ATP8A1: variants seen among roughly 807,000 people sequenced by gnomAD.
ATP8A1 encodes phospholipid-transporting ATPase IA.
In ATP8A1, 90 loss-of-function variants were observed where a neutral mutation model predicts 177.7. The ratio of observed to expected loss-of-function variants is 0.51; its 90% CI spans 0.43 to 0.60. ATP8A1 has a LOEUF of 0.60. Among genes scored for constraint, ATP8A1 ranks in the 20% least tolerant of loss-of-function variants. The pLI, the probability that ATP8A1 is intolerant of heterozygous loss-of-function variation, is 0.00. For synonymous variants in ATP8A1, 493 were observed against 485.9 expected, an observed-to-expected ratio of 1.01 and a Z score of -0.19; for missense variants, 1,072 against 1,392.8, an observed-to-expected ratio of 0.77 and a Z score of 3.67.
At chr4:42,496,839 C>T (rs1226238600) in intron 24 of ATP8A1, among the ~76,000 whole-genome samples, 1 of 151,954 alleles carries the variant, frequency 6.6e-6, no homozygotes, top group Non-Finnish European at 1.5e-5. Flanking sequence ...TATATATACA[C>T]ACACACACAG....
At chr4:42,648,617 A>C (rs891813320) in intron 1 of ATP8A1, among the ~76,000 whole-genome samples, 1 of 152,170 alleles carries the variant, frequency 6.6e-6, no homozygotes, top group Non-Finnish European at 1.5e-5. Context: ...TTGAAAAATT[A>C]TCTTGAAAAA....
At chr4:42,567,771 G>GCTTTCATAACTTT in intron 15 of ATP8A1, among the ~76,000 whole-genome samples, 1 of 152,234 alleles carries the variant, frequency 6.6e-6, no homozygotes, top group Non-Finnish European at 1.5e-5. Flanking sequence ...GCTCTTTCCA[G>GCTTTCATAACTTT]CACCAATAAA....
chr4:42,577,459 G>A (rs941915060), intron 12 of ATP8A1, among the ~76,000 whole-genome samples: 6 of 152,056 alleles, frequency 3.9e-5, no homozygotes, highest in African/African-American at 1.2e-4. Context: ...CATATTTTTC[G>A]AAACCCTAAT....
chr4:42,413,095 A>G (rs1712810866), intron 36 of ATP8A1, 82 bp from the exon 37 acceptor site: 1 of 1,127,166 alleles, frequency 8.9e-7, no homozygotes. Flanking sequence ...TTCATTTTCT[A>G]GCCTGGGGAA....
intron 4 of ATP8A1, among the ~76,000 whole-genome samples, chr4:42,618,544 A>C (rs1222235980): frequency 2.0e-5 from 3 of 152,130 alleles, no homozygotes; most frequent in Admixed American, 1.3e-4. Flanking sequence ...CCATTTACCC[A>C]AACCAGGAAA....
chr4:42,508,211 T>C (rs895587135), intron 22 of ATP8A1, among the ~76,000 whole-genome samples: 39 of 152,280 alleles, frequency 2.6e-4, no homozygotes, highest in African/African-American at 9.4e-4. Flanking sequence ...TGGCTCACCA[T>C]AACCTCCGCC....
Position 42,558,779 on chromosome 4 carries a change from A to T in ATP8A1, c.1341-2739T>A, listed in dbSNP as rs557163897. ...TAAAGATATGTGAAACATTTTTTTA[A>T]AAAAAACTTAGGAATGGAAAAAGCT... On this transcript the variant is annotated intron_variant, in intron 15 of 36. Transcript: ENST00000381668. Among the ~76,000 whole-genome samples the T allele has an allele frequency of 6.6e-4, 101 of 152,286 alleles. 1 individual carries two copies. The highest frequency in any genetic ancestry group is 2.3e-3 in the African/African-American group (97 of 41,574).
chr4:42,606,814 T>C lies in ATP8A1; in HGVS notation c.410-6296A>G, dbSNP rs549087732. Among the ~76,000 whole-genome samples, 49 of 152,328 alleles carry C rather than the reference T, an allele frequency of 3.2e-4. 1 individual carries two copies. The South Asian group carries it at 9.7e-3, about 30-fold the overall frequency. ...GTAAGAGAGAATGCCCCAGAGAACA[T>C]TGCTGACTCCGGGGCATTTGAGTTT... On this transcript the variant is annotated intron_variant, in intron 5 of 36. Coordinates refer to ENST00000381668, the MANE Select transcript of ATP8A1 (RefSeq NM_006095.2).
chr4:42,537,573 G>A (rs1306861464), intron 20 of ATP8A1, among the ~76,000 whole-genome samples: 1 of 152,120 alleles, frequency 6.6e-6, no homozygotes, highest in Non-Finnish European at 1.5e-5. Flanking sequence ...CAAAGTTTCA[G>A]GATACAAAAT....
intron 15 of ATP8A1, among the ~76,000 whole-genome samples, chr4:42,559,791 C>T (rs539892417): frequency 1.2e-4 from 18 of 152,174 alleles, no homozygotes; most frequent in African/African-American, 4.3e-4. Context: ...CTGCAACCTC[C>T]ACCTCCTGGG....
intron 5 of ATP8A1, among the ~76,000 whole-genome samples, chr4:42,611,476 C>T (rs1205330244): frequency 6.6e-6 from 1 of 152,186 alleles, no homozygotes; most frequent in Non-Finnish European, 1.5e-5. Context: ...CTCTATCTCC[C>T]ACACATTCTC....
rs1019800296 is a variant in ATP8A1, at chr4:42,656,950, T to A, written c.-77A>T. 1 of 1,372,592 alleles carries A rather than the reference T, an allele frequency of 7.3e-7. No homozygotes were observed. The highest frequency in any genetic ancestry group is 1.5e-5 in the African/African-American group (1 of 67,082). 85.0% of individuals were successfully genotyped at this position (1,372,592 alleles called of 1,614,324 possible). A position where few individuals can be genotyped will look rare whatever the true frequency, so the allele number is the denominator to read the frequency against. ...GCGTGGTACACGCGGGAGACCCGGC[T>A]GCGCCGCGCAGAGCGCTCAGCTGCA... is the stretch of plus-strand genomic sequence containing the variant. On this transcript the variant is annotated 5_prime_UTR_variant, in exon 1 of 37. Transcript: ENST00000381668.
intron 1 of ATP8A1, among the ~76,000 whole-genome samples, chr4:42,631,200 A>T (rs568950160): frequency 6.6e-6 from 1 of 152,304 alleles, no homozygotes; most frequent in African/African-American, 2.4e-5. Context: ...GTTACATGGT[A>T]AGTTACCTAT....
intron 5 of ATP8A1, among the ~76,000 whole-genome samples, chr4:42,602,848 C>T (rs1346472161): frequency 6.6e-6 from 1 of 151,534 alleles, no homozygotes; most frequent in Non-Finnish European, 1.5e-5. Flanking sequence ...AACCCAGTGG[C>T]TACAATATAA....
chr4:42,497,251 A>C lies in ATP8A1; in HGVS notation c.2151+6199T>G, dbSNP rs1723373925. On this transcript the variant is annotated intron_variant, in intron 24 of 36. Coordinates refer to ENST00000381668, the MANE Select transcript of ATP8A1 (RefSeq NM_006095.2). The stretch of plus-strand genomic sequence containing the variant: ...AAGTCTCTATCTGGAACTGAGACAA[A>C]CACCACCAGCTCTAAAGGAGCACAG... 2.6e-5 allele frequency among the ~76,000 whole-genome samples: 4 copies of C among 152,200 alleles called. No individual in the cohort carries two copies. The South Asian group carries it at 8.3e-4, about 31-fold the overall frequency.
intron 3 of ATP8A1, 125 bp downstream of exon 3, chr4:42,625,489 G>A (rs1737965362): frequency 3.7e-6 from 2 of 545,392 alleles, no homozygotes; most frequent in African/African-American, 2.0e-5. Flanking sequence ...CTTGCAGCAG[G>A]AGCCAGAAAT....
chr4:42,609,702 T>C (rs999872040), intron 5 of ATP8A1, among the ~76,000 whole-genome samples: 6 of 152,156 alleles, frequency 3.9e-5, no homozygotes, highest in African/African-American at 1.2e-4. Context: ...GTTGAATCTA[T>C]CCACTGTGTG....
intron 33 of ATP8A1, among the ~76,000 whole-genome samples, chr4:42,433,929 G>A (rs911002961): frequency 6.6e-6 from 1 of 151,000 alleles, no homozygotes; most frequent in African/African-American, 2.4e-5. Flanking sequence ...GGATAAACTA[G>A]AAGTTAATTT....
chr4:42,628,470 T>A (rs1273629032), intron 1 of ATP8A1, among the ~76,000 whole-genome samples: 1 of 152,066 alleles, frequency 6.6e-6, no homozygotes, highest in African/African-American at 2.4e-5. Flanking sequence ...CAGAGGACCC[T>A]GCGCTCTGCT....
Sources: allele counts gnomAD v4.1 joint callset (sites outside exome capture counted in the v4.1 genomes callset), GRCh38; gene constraint gnomAD v4.1.1; transcripts MANE v1.5; gene names NCBI Gene and HGNC (gene_info 2026-07-23, HGNC 2026-07-21).